PID1: variants seen among roughly 807,000 people sequenced by gnomAD.
PID1 encodes phosphotyrosine interaction domain containing 1.
Under a neutral mutation model 19.1 loss-of-function variants are expected in PID1, and 10 were observed. The ratio of observed to expected loss-of-function variants is 0.52; its 90% CI spans 0.32 to 0.89. PID1 has a LOEUF of 0.89. PID1 is among the 40% of genes least tolerant of loss of function. The pLI is 0.03. For missense variants in PID1, 248 were observed against 285.3 expected (o/e 0.87, Z 0.94); for synonymous variants, 130 against 116.0 (o/e 1.12, Z -0.78).
At chr2:229,185,156 C>T (rs1446220625) in intron 1 of PID1, among the ~76,000 whole-genome samples, 2 of 150,502 alleles carry the variant, frequency 1.3e-5, no homozygotes, top group African/African-American at 4.9e-5. Context: ...CCAGAGAACC[C>T]TAATACAGCC....
At chr2:229,027,418 A>G (rs1038367525) in intron 2 of PID1, among the ~76,000 whole-genome samples, 5 of 152,250 alleles carry the variant, frequency 3.3e-5, no homozygotes, top group African/African-American at 1.2e-4. Flanking sequence ...ATACTCATTC[A>G]GAGCACAGTC....
intron 1 of PID1, among the ~76,000 whole-genome samples, chr2:229,247,628 G>T (rs1462949109): frequency 2.6e-5 from 4 of 152,148 alleles, no homozygotes; most frequent in Non-Finnish European, 5.9e-5. Context: ...GGGCCTTGGG[G>T]TCCATGCAAA....
chr2:229,240,445 C>G (rs982984091), intron 1 of PID1, among the ~76,000 whole-genome samples: 1 of 152,140 alleles, frequency 6.6e-6, no homozygotes, highest in Non-Finnish European at 1.5e-5. Context: ...AGCAAAACAT[C>G]TTGTTTTCAT....
At chr2:229,122,533 G>A (rs1270847998) in intron 2 of PID1, among the ~76,000 whole-genome samples, 1 of 152,036 alleles carries the variant, frequency 6.6e-6, no homozygotes, top group Non-Finnish European at 1.5e-5. Flanking sequence ...TCCCCCTACA[G>A]TGAGACCAAG....
chr2:229,243,742 A>T (rs1314154780), intron 1 of PID1, among the ~76,000 whole-genome samples: 1 of 152,144 alleles, frequency 6.6e-6, no homozygotes, highest in Non-Finnish European at 1.5e-5. Context: ...TAAAACAATA[A>T]ATAAGGAGGC....
At chr2:229,159,664 C>T (rs1690452915) in intron 1 of PID1, among the ~76,000 whole-genome samples, 1 of 152,168 alleles carries the variant, frequency 6.6e-6, no homozygotes, top group South Asian at 2.1e-4. Context: ...TCTGGCTGAA[C>T]CCCAATTGTT....
chr2:229,256,848 G>A (rs1054171451), intron 1 of PID1, among the ~76,000 whole-genome samples: 2 of 152,172 alleles, frequency 1.3e-5, no homozygotes, highest in African/African-American at 2.4e-5. Context: ...GCAACCAGGA[G>A]CTAAGTGTTA....
chr2:229,123,198 C>G (rs1314720916), intron 2 of PID1, among the ~76,000 whole-genome samples: 2 of 152,102 alleles, frequency 1.3e-5, no homozygotes, highest in Non-Finnish European at 2.9e-5. Context: ...CCACTCCAGC[C>G]TAAGGCAACC....
At chr2:229,128,650 A>G (rs1382612364) in intron 2 of PID1, among the ~76,000 whole-genome samples, 1 of 152,364 alleles carries the variant, frequency 6.6e-6, no homozygotes, top group African/African-American at 2.4e-5. Context: ...TAAGCTAAAA[A>G]AAATCTAAAA....
chr2:229,093,399 C>T (rs1484180159), intron 2 of PID1, among the ~76,000 whole-genome samples: 3 of 151,818 alleles, frequency 2.0e-5, no homozygotes, highest in Admixed American at 1.3e-4. Flanking sequence ...GCTGGGATTA[C>T]AGGAGCGAGC....
At chr2:229,084,885 A>T (rs1202340447) in intron 2 of PID1, among the ~76,000 whole-genome samples, 4 of 100,278 alleles carry the variant, frequency 4.0e-5, no homozygotes, top group Non-Finnish European at 1.0e-4. Context: ...AGCAGTTAGG[A>T]TACGGCCTAA....
chr2:229,226,592 T>C lies in PID1; in HGVS notation c.30+44422A>G, dbSNP rs1249258214. Reference sequence around the variant, plus strand: ...GATCTGTACTATTCCAGCTTGGCCATGTTCATTCCATCAGAGCTTTGGCCA... The same window carrying C: ...GATCTGTACTATTCCAGCTTGGCCACGTTCATTCCATCAGAGCTTTGGCCA... On this transcript the variant is annotated intron_variant, in intron 1 of 2. Coordinates refer to ENST00000392055, the MANE Select transcript of PID1 (RefSeq NM_001100818.2). Among the ~76,000 whole-genome samples the C allele has an allele frequency of 3.3e-5, 5 of 152,168 alleles. No individual in the cohort carries two copies. The East Asian group carries it at 5.8e-4, about 18-fold the overall frequency.
chr2:229,117,355 A>G (rs1695429945), intron 2 of PID1, among the ~76,000 whole-genome samples: 1 of 152,102 alleles, frequency 6.6e-6, no homozygotes, highest in Non-Finnish European at 1.5e-5. Context: ...TCTTACCTCT[A>G]ATCAAATCTA....
chr2:229,256,707 T>A (rs1253904951), intron 1 of PID1, among the ~76,000 whole-genome samples: 1 of 152,202 alleles, frequency 6.6e-6, no homozygotes, highest in East Asian at 1.9e-4. Context: ...GGCTGTAAAG[T>A]TCTATGCTTT....
intron 1 of PID1, among the ~76,000 whole-genome samples, chr2:229,191,258 G>T (rs1018714342): frequency 6.6e-6 from 1 of 152,152 alleles, no homozygotes; most frequent in Non-Finnish European, 1.5e-5. Flanking sequence ...AATCGCCACC[G>T]ATGGAGAACA....
chr2:229,224,848 AC>A (rs1692045037), intron 1 of PID1, among the ~76,000 whole-genome samples: 2 of 129,240 alleles, frequency 1.5e-5, no homozygotes, highest in Admixed American at 7.9e-5. Flanking sequence ...AAAAAAAAAA[AC>A]CTATATTCAA....
chr2:229,198,275 C>T (rs2106237808), intron 1 of PID1, among the ~76,000 whole-genome samples: 1 of 152,154 alleles, frequency 6.6e-6, no homozygotes, highest in South Asian at 2.1e-4. Context: ...AAATACCTTT[C>T]AAACATTCAC....
chr2:229,140,725 A>G (rs1437292733), intron 2 of PID1, among the ~76,000 whole-genome samples: 1 of 152,146 alleles, frequency 6.6e-6, no homozygotes, highest in Non-Finnish European at 1.5e-5. Flanking sequence ...TATACATACA[A>G]TATTGTTTAT....
intron 1 of PID1, among the ~76,000 whole-genome samples, chr2:229,218,717 A>C (rs1392675262): frequency 1.3e-5 from 2 of 152,204 alleles, no homozygotes; most frequent in African/African-American, 4.8e-5. Context: ...GGAAGAAAGA[A>C]GGAGTGGACT....
Sources: gnomAD v4.1 joint callset for allele counts (sites outside exome capture counted in the v4.1 genomes callset) on GRCh38, gnomAD v4.1.1 for gene constraint, MANE v1.5 for transcripts, NCBI Gene and HGNC (gene_info 2026-07-23, HGNC 2026-07-21) for gene names.